CSNK1G1: variants seen among roughly 807,000 people sequenced by gnomAD.
CSNK1G1 encodes the protein casein kinase I isoform gamma-1.
A neutral mutation model predicts 59.6 loss-of-function variants in CSNK1G1; 22 were observed. The observed-to-expected ratio is 0.37, with a 90% CI of 0.26 to 0.53. The LOEUF is 0.53. Among genes scored for constraint, CSNK1G1 ranks in the 20% least tolerant of loss-of-function variants. The pLI is 0.89. For missense variants in CSNK1G1, 384 were observed against 519.5 expected, an observed-to-expected ratio of 0.74 and a Z score of 2.54; for synonymous variants, 179 against 177.1, an observed-to-expected ratio of 1.01 and a Z score of -0.08.
intron 1 of CSNK1G1, among the ~76,000 whole-genome samples, chr15:64,337,738 A>G (rs1338244576): frequency 6.6e-6 from 1 of 152,186 alleles, no homozygotes; most frequent in Non-Finnish European, 1.5e-5. Flanking sequence ...AACAGTCTCC[A>G]GTATCTATAC....
chr15:64,264,563 A>G (rs1412255864), intron 2 of CSNK1G1, among the ~76,000 whole-genome samples: 3 of 152,240 alleles, frequency 2.0e-5, no homozygotes, highest in African/African-American at 7.2e-5. Context: ...CCAGGCCAGG[A>G]TAAAACAAAA....
intron 1 of CSNK1G1, among the ~76,000 whole-genome samples, chr15:64,325,980 T>TGA (rs1896815369): frequency 6.6e-6 from 1 of 152,166 alleles, no homozygotes; most frequent in South Asian, 2.1e-4. Flanking sequence ...ATAAAAACCT[T>TGA]TGCATCTCAG....
At chr15:64,345,832 G>A (rs551398680) in intron 1 of CSNK1G1, among the ~76,000 whole-genome samples, 20 of 151,974 alleles carry the variant, frequency 1.3e-4, no homozygotes, top group African/African-American at 1.9e-4. Flanking sequence ...TCACTCTGTC[G>A]CTAGGCTGGA....
intron 11 of CSNK1G1, among the ~76,000 whole-genome samples, chr15:64,174,695 C>T (rs192524132): frequency 1.3e-5 from 2 of 152,332 alleles, no homozygotes; most frequent in East Asian, 3.9e-4. Context: ...TTACCCCAGG[C>T]CTCTGACCCA....
intron 3 of CSNK1G1, among the ~76,000 whole-genome samples, chr15:64,258,571 C>T (rs542980243): frequency 6.6e-6 from 1 of 152,094 alleles, no homozygotes; most frequent in East Asian, 1.9e-4. Context: ...AAACATTTCA[C>T]ATGAAAAAAT....
chr15:64,201,733 TG>T (rs1170074564), intron 10 of CSNK1G1, among the ~76,000 whole-genome samples: 30 of 150,692 alleles, frequency 2.0e-4, no homozygotes, highest in Admixed American at 7.2e-4. Flanking sequence ...TGTGTGTGTG[TG>T]TGTGTGTGTG....
chr15:64,180,537 G>T (rs541072487), intron 10 of CSNK1G1, 83 bp from the exon 11 acceptor site: 3 of 1,055,814 alleles, frequency 2.8e-6, no homozygotes, highest in East Asian at 4.8e-5. Context: ...CGCTAAACAG[G>T]CAGTGTCTGG....
chr15:64,209,037 C>G (rs2082218666), intron 6 of CSNK1G1, among the ~76,000 whole-genome samples: 1 of 152,080 alleles, frequency 6.6e-6, no homozygotes, highest in African/African-American at 2.4e-5. Flanking sequence ...CAGGCATGCA[C>G]CACCATCCCT....
chr15:64,292,050 A>T (rs1424577713), intron 2 of CSNK1G1, among the ~76,000 whole-genome samples: 2 of 147,908 alleles, frequency 1.4e-5, no homozygotes, highest in East Asian at 2.0e-4. Flanking sequence ...TACACATATT[A>T]AAAAAAAAAA....
intron 4 of CSNK1G1, among the ~76,000 whole-genome samples, chr15:64,245,956 A>C (rs1257535614): frequency 6.6e-6 from 1 of 152,122 alleles, no homozygotes; most frequent in Non-Finnish European, 1.5e-5. Flanking sequence ...GGGTGTGGGG[A>C]GGATGAAGAG....
At chr15:64,335,902 A>T (rs1268291776) in intron 1 of CSNK1G1, 2 of 152,178 alleles carry the variant, frequency 1.3e-5, no homozygotes, top group Admixed American at 6.5e-5. Flanking sequence ...GCAACATCCC[A>T]GTAATCTTTT....
chr15:64,195,715 T>C (rs568761289), intron 10 of CSNK1G1, among the ~76,000 whole-genome samples: 9 of 152,344 alleles, frequency 5.9e-5, no homozygotes, highest in Non-Finnish European at 1.0e-4. Flanking sequence ...TTTCATCCCC[T>C]TTCTGCCGGA....
Position 64,207,550 on chromosome 15 carries a change from T to A in CSNK1G1, c.724A>T (p.Met242Leu). 1 of 1,614,078 alleles carries A rather than the reference T, an allele frequency of 6.2e-7. No individual in the cohort carries two copies. The highest frequency in any genetic ancestry group is 8.5e-7 in the Non-Finnish European group (1 of 1,179,970). ...GGGAGGCTGCCTCGAAGGAAATACA[T>A]GAACATATGGCCTAGGGCTTCCAAA... ...DDLEALGHMF[M>L]YFLRGSLPWQ... The change falls in exon 7 of 12, where the codon ATG becomes TTG. Residue 242 changes from methionine to leucine, a missense_variant. This residue lies in a region of CSNK1G1 where 325 missense variants were observed against 440.9 expected (regional missense o/e 0.74). Transcript: ENST00000303052.
At position 64,264,759 on chromosome 15, in the gene CSNK1G1, G is replaced by C. The variant is rs553357723; in HGVS notation, c.182-5518C>G. On this transcript the variant is annotated intron_variant, in intron 2 of 11. Transcript: ENST00000303052. Reference sequence around the variant, plus strand: ...ACGTGACACGTCACATGAACAGAATGAAAGACAAAAACCATATGATCATCT... The same window carrying C: ...ACGTGACACGTCACATGAACAGAATCAAAGACAAAAACCATATGATCATCT... 5.3e-5 allele frequency among the ~76,000 whole-genome samples: 8 copies of C among 152,230 alleles called. 1 individual carries two copies. Among genetic ancestry groups the C allele is most frequent in the African/African-American group, 1.7e-4 (7 of 41,556 alleles).
At chr15:64,309,589 C>T (rs1895882173) in intron 1 of CSNK1G1, among the ~76,000 whole-genome samples, 1 of 152,172 alleles carries the variant, frequency 6.6e-6, no homozygotes, top group Non-Finnish European at 1.5e-5. Context: ...CTACAATGCA[C>T]TGTGATTAGT....
At chr15:64,319,235 T>G (rs559975030) in intron 1 of CSNK1G1, among the ~76,000 whole-genome samples, 1 of 152,298 alleles carries the variant, frequency 6.6e-6, no homozygotes, top group South Asian at 2.1e-4. Flanking sequence ...AAATTTACTG[T>G]GATGCTGGAT....
At chr15:64,252,213 G>A (rs1892125370) in intron 3 of CSNK1G1, among the ~76,000 whole-genome samples, 2 of 151,468 alleles carry the variant, frequency 1.3e-5, no homozygotes, top group African/African-American at 4.8e-5. Context: ...ATTCAACAAT[G>A]TAATAACATA....
chr15:64,339,753 CAG>C (rs1897591616), intron 1 of CSNK1G1, among the ~76,000 whole-genome samples: 1 of 152,254 alleles, frequency 6.6e-6, no homozygotes, highest in African/African-American at 2.4e-5. Context: ...TGACAACTGT[CAG>C]AGGACAAATT....
chr15:64,278,641 C>A (rs1893937916), intron 2 of CSNK1G1, among the ~76,000 whole-genome samples: 1 of 152,040 alleles, frequency 6.6e-6, no homozygotes, highest in Non-Finnish European at 1.5e-5. Flanking sequence ...GTTGGCCAAG[C>A]TGGTGTCGAA....
Sources: allele counts gnomAD v4.1 joint callset (sites outside exome capture counted in the v4.1 genomes callset), GRCh38; gene constraint gnomAD v4.1.1; regional missense constraint gnomAD v4.1.1; transcripts MANE v1.5; gene names NCBI Gene and HGNC (gene_info 2026-07-23, HGNC 2026-07-21).